LAMB1: variants seen among roughly 807,000 people sequenced by gnomAD.
The protein encoded by LAMB1 is laminin subunit beta 1, also known as laminin subunit beta-1.
Under a neutral mutation model 222.3 loss-of-function variants are expected in LAMB1, and 121 were observed. The ratio of observed to expected loss-of-function variants is 0.54; its 90% CI spans 0.47 to 0.63. The LOEUF is 0.63. LAMB1 is among the 30% of genes least tolerant of loss of function. LAMB1 has a pLI of 0.00. For synonymous variants in LAMB1, 794 were observed against 807.2 expected (o/e 0.98, Z 0.28); for missense variants, 2,172 against 2,240.8 (o/e 0.97, Z 0.62).
intron 17 of LAMB1, 116 bp downstream of exon 17, chr7:107,961,090 A>T: frequency 8.5e-7 from 1 of 1,178,706 alleles, no homozygotes; most frequent in Admixed American, 2.3e-5. Context: ...GAGGCAAGAA[A>T]GAATGATTCT....
At chr7:107,992,487 T>C (rs894467512) in intron 5 of LAMB1, among the ~76,000 whole-genome samples, 1 of 152,242 alleles carries the variant, frequency 6.6e-6, no homozygotes, top group Non-Finnish European at 1.5e-5. Flanking sequence ...ATCCACTTAT[T>C]CTTTCATTCA....
rs1469607108 is a variant in LAMB1, at chr7:107,976,546, T to C, written c.1001-669A>G. 8.5e-5 allele frequency among the ~76,000 whole-genome samples: 13 copies of C among 152,154 alleles called. No homozygotes were observed. The East Asian group carries it at 2.5e-3, about 29-fold the overall frequency. ...ATTCTTGTCTTTGCACAGGGAAGCTTGACTCAGCCTGGCCCTCCTGAGCCT... is the reference window on the plus strand; with the variant it reads ...ATTCTTGTCTTTGCACAGGGAAGCTCGACTCAGCCTGGCCCTCCTGAGCCT... On this transcript the variant is annotated intron_variant, in intron 9 of 33. Coordinates refer to ENST00000222399, the MANE Select transcript of LAMB1 (RefSeq NM_002291.3).
In LAMB1 at chr7:107,936,057, T is replaced by C. The variant is rs1217083045; in HGVS notation, c.3947-401A>G. ...TCCATATTTGTAGGTTCCACATATGTGGATTCAACCAACTGTGGATGGAAA... is the reference window on the plus strand; with the variant it reads ...TCCATATTTGTAGGTTCCACATATGCGGATTCAACCAACTGTGGATGGAAA... On this transcript the variant is annotated intron_variant, in intron 26 of 33. Transcript: ENST00000222399. Among the ~76,000 whole-genome samples the C allele has an allele frequency of 2.6e-5, 4 of 152,346 alleles. No individual in the cohort carries two copies. In the East Asian group the frequency reaches 7.7e-4, roughly 29 times the overall value.
intron 24 of LAMB1, among the ~76,000 whole-genome samples, chr7:107,940,955 C>G (rs1279273171): frequency 6.6e-6 from 1 of 152,182 alleles, no homozygotes; most frequent in African/African-American, 2.4e-5. Context: ...ATGCAATAAA[C>G]ATGATCAAAA....
chr7:107,936,655 C>T (rs2032854714), intron 26 of LAMB1, among the ~76,000 whole-genome samples: 2 of 152,130 alleles, frequency 1.3e-5, no homozygotes, highest in African/African-American at 4.8e-5. Flanking sequence ...TCACTTTTTG[C>T]TGAGGATCCT....
Position 108,000,801 on chromosome 7 carries a change from C to G in LAMB1, c.213+757G>C, listed in dbSNP as rs181764504. 3.9e-5 allele frequency among the ~76,000 whole-genome samples: 6 copies of G among 152,356 alleles called. No homozygotes were observed. In the East Asian group the frequency reaches 1.2e-3, roughly 29 times the overall value. On this transcript the variant is annotated intron_variant, in intron 3 of 33. Transcript: ENST00000222399. ...CAGTGATCCTCCCACCTCAGCCTCCCTAAGTGCTGGGATTACAGGCATGGA... is the reference window on the plus strand; with the variant it reads ...CAGTGATCCTCCCACCTCAGCCTCCGTAAGTGCTGGGATTACAGGCATGGA...
In LAMB1 at chr7:107,929,587, C is replaced by T. The variant is rs536063816; in HGVS notation, c.4570G>A (p.Val1524Ile). 9 of 1,614,086 alleles carry T rather than the reference C, an allele frequency of 5.6e-6. No homozygotes were observed. In the Admixed American group the frequency reaches 1.3e-4, roughly 24 times the overall value. ...DSADLDSIEAVANEVLKMEMP... is the reference protein window; with the variant it reads ...DSADLDSIEAIANEVLKMEMP... Reference sequence around the variant, plus strand: ...TCCATTTTCAATACTTCATTAGCAACTGCTTCAATGCTGTCCAAATCAGCA... The same window carrying T: ...TCCATTTTCAATACTTCATTAGCAATTGCTTCAATGCTGTCCAAATCAGCA... The change falls in exon 30 of 34, where the codon GTT (valine) becomes ATT (isoleucine). Residue 1524 changes from valine (V) to isoleucine (I), a missense_variant. By Grantham distance (29) the Val-to-Ile change is conservative. Coordinates refer to ENST00000222399, the MANE Select transcript of LAMB1 (RefSeq NM_002291.3).
intron 5 of LAMB1, among the ~76,000 whole-genome samples, chr7:107,993,605 T>C (rs1039375449): frequency 6.6e-6 from 1 of 152,234 alleles, no homozygotes; most frequent in Non-Finnish European, 1.5e-5. Context: ...ACTATCCATG[T>C]ATATGAACAG....
intron 27 of LAMB1, among the ~76,000 whole-genome samples, chr7:107,933,070 A>T (rs1295741649): frequency 6.6e-6 from 1 of 152,188 alleles, no homozygotes; most frequent in Non-Finnish European, 1.5e-5. Context: ...TTCCCAAATT[A>T]CCACCCCCGA....
In LAMB1 at chr7:107,953,596, C is replaced by G. The variant is rs1306863168; in HGVS notation, c.3013G>C (p.Glu1005Gln). ...CGGCAGAACTGACAGTGTTCCCCTT[C>G]CGTGTGGTACAGGCACTTGAGACAC... ...GRCLKCLYHT[E>Q]GEHCQFCRFG... The change falls in exon 22 of 34, where the codon GAA becomes CAA. Residue 1005 changes from glutamate to glutamine, a missense_variant. Physicochemically the swap from Glu to Gln is conservative, Grantham distance 29. Coordinates refer to ENST00000222399, the MANE Select transcript of LAMB1 (RefSeq NM_002291.3). The G allele has an allele frequency of 6.2e-7, 1 of 1,614,070 alleles. No individual in the cohort carries two copies. The highest frequency in any genetic ancestry group is 1.3e-5 in the African/African-American group (1 of 74,918).
chr7:108,000,005 A>G (rs1187400555), intron 3 of LAMB1: 2 of 152,130 alleles, frequency 1.3e-5, no homozygotes, highest in Non-Finnish European at 2.9e-5. Context: ...TAATACAAAC[A>G]GTGTGATTCT....
At chr7:107,961,782 A>G in intron 15 of LAMB1, 106 bp from the exon 16 acceptor site, 1 of 1,295,528 alleles carries the variant, frequency 7.7e-7, no homozygotes, top group Non-Finnish European at 1.1e-6. Flanking sequence ...GAAAACAAAC[A>G]GTTGCTCTTC....
rs763031177 is a variant in LAMB1, at chr7:107,964,560, A to G, written c.1690T>C (p.Leu564=). The part of the protein sequence containing the change: ...HYLYEAEEAN[L]GPGVSIVERQ... ...CACACTCCCCTACTCACAGGCCCCA[A>G]GTTGGCTTCCTCCGCTTCATAGAGG... is the stretch of plus-strand genomic sequence containing the variant. Residue 564 remains leucine, a synonymous_variant, in exon 14 of 34, where the codon TTG becomes CTG. Transcript: ENST00000222399. 1.6e-5 allele frequency: 26 copies of G among 1,614,064 alleles called. No homozygotes were observed. The highest frequency in any genetic ancestry group is 1.6e-4 in the Middle Eastern group (1 of 6,084).
Position 107,959,846 on chromosome 7 carries a change from G to A in LAMB1, c.2315-12C>T, listed in dbSNP as rs1375824733. On this transcript the variant is annotated splice_polypyrimidine_tract_variant and intron_variant, in intron 18 of 33. Coordinates refer to ENST00000222399, the MANE Select transcript of LAMB1 (RefSeq NM_002291.3). The stretch of plus-strand genomic sequence containing the variant: ...GTCGCATTCACAAGCTGTGGGTAAA[G>A]AGAGGCCAGAACCCATGACACGGAG... 2 of 1,610,558 alleles carry A rather than the reference G, an allele frequency of 1.2e-6. No homozygotes were observed. Among genetic ancestry groups the A allele is most frequent in the African/African-American group, 1.3e-5 (1 of 74,886 alleles).
rs569107558 is a variant in LAMB1, at chr7:107,975,416, G to A, written c.1190-3C>T. The A allele has an allele frequency of 1.7e-5, 27 of 1,602,064 alleles. No individual in the cohort carries two copies. The South Asian group carries it at 2.9e-4, about 17-fold the overall frequency. On this transcript the variant is annotated splice_polypyrimidine_tract_variant and splice_region_variant and intron_variant, in intron 10 of 33. Transcript: ENST00000222399. Reference sequence around the variant, plus strand: ...GCCAGCTGGGTCACACGTACATCCTGAGAAGAATGCAAAGCACCAGGTTAA... The same window carrying A: ...GCCAGCTGGGTCACACGTACATCCTAAGAAGAATGCAAAGCACCAGGTTAA...
At chr7:107,972,629 A>G (rs988270339) in intron 13 of LAMB1, among the ~76,000 whole-genome samples, 11 of 152,156 alleles carry the variant, frequency 7.2e-5, no homozygotes, top group African/African-American at 2.4e-4. Flanking sequence ...GATTCTCTAC[A>G]CAAATCAAAA....
intron 4 of LAMB1, among the ~76,000 whole-genome samples, chr7:107,995,881 T>C (rs539361965): frequency 9.9e-5 from 15 of 152,176 alleles, no homozygotes; most frequent in Admixed American, 3.3e-4. Flanking sequence ...GACTGGTGTA[T>C]TTTCAGGAAA....
intron 8 of LAMB1, among the ~76,000 whole-genome samples, chr7:107,978,759 A>G (rs1021585933): frequency 1.3e-5 from 2 of 152,236 alleles, no homozygotes; most frequent in Admixed American, 1.3e-4. Flanking sequence ...GTAAGGAAAT[A>G]TAAGATCTCG....
intron 13 of LAMB1, among the ~76,000 whole-genome samples, 157 bp from the exon 14 acceptor site, chr7:107,964,844 C>G (rs912400713): frequency 2.4e-4 from 36 of 152,172 alleles, no homozygotes; most frequent in African/African-American, 8.7e-4. Context: ...AAAGTAGTGC[C>G]TATGGATTAA....
Sources: allele counts gnomAD v4.1 joint callset (sites outside exome capture counted in the v4.1 genomes callset), GRCh38; gene constraint gnomAD v4.1.1; transcripts MANE v1.5; gene names NCBI Gene and HGNC (gene_info 2026-07-23, HGNC 2026-07-21).